Variants in GRM7 observed in about 807,000 individuals in gnomAD.
GRM7 encodes glutamate metabotropic receptor 7.
Under a neutral mutation model 84.5 loss-of-function variants are expected in GRM7, and 35 were observed. That is an observed-to-expected ratio of 0.41 (90% CI 0.32 to 0.55). The LOEUF (loss-of-function observed/expected upper bound fraction) is 0.55, where lower values mean the gene tolerates loss of function less well. Ranked by LOEUF, GRM7 falls within the 20% of genes least tolerant of loss-of-function variation. GRM7 has a pLI of 0.19. For missense variants in GRM7, 1,003 were observed against 1,194.6 expected (o/e 0.84, Z 2.36); for synonymous variants, 487 against 455.1 (o/e 1.07, Z -0.89).
chr3:6,957,977 CA>C (rs988922089), intron 1 of GRM7, among the ~76,000 whole-genome samples: 1 of 152,048 alleles, frequency 6.6e-6, no homozygotes, highest in African/African-American at 2.4e-5. Flanking sequence ...AGCAGGTGAT[CA>C]GGGGAACACA....
chr3:7,222,889 C>T (rs1178597143), intron 2 of GRM7, among the ~76,000 whole-genome samples: 1 of 152,128 alleles, frequency 6.6e-6, no homozygotes, highest in African/African-American at 2.4e-5. Flanking sequence ...AGTTTGTTTT[C>T]CTATCACTGG....
At chr3:7,156,366 A>G (rs539029445) in intron 2 of GRM7, among the ~76,000 whole-genome samples, 126 of 152,154 alleles carry the variant, frequency 8.3e-4, no homozygotes, top group Non-Finnish European at 1.4e-3. Context: ...TCCTCATGCA[A>G]TGTGGGTAAA....
At chr3:6,991,908 C>A (rs1025887062) in intron 1 of GRM7, among the ~76,000 whole-genome samples, 1 of 151,804 alleles carries the variant, frequency 6.6e-6, no homozygotes, top group African/African-American at 2.4e-5. Context: ...AATTTTGTAC[C>A]CTTTGACTAA....
intron 1 of GRM7, among the ~76,000 whole-genome samples, chr3:7,067,660 G>A (rs749505841): frequency 3.3e-5 from 5 of 151,844 alleles, no homozygotes; most frequent in African/African-American, 4.8e-5. Flanking sequence ...TACAAACAAG[G>A]CTCCATGGGT....
intron 1 of GRM7, among the ~76,000 whole-genome samples, chr3:6,909,209 CT>C (rs1696683801): frequency 6.6e-6 from 1 of 152,104 alleles, no homozygotes; most frequent in Admixed American, 6.6e-5. Context: ...TTAGGGCAAA[CT>C]TTTGCATCCA....
chr3:7,288,833 G>C (rs753565514), intron 2 of GRM7, among the ~76,000 whole-genome samples: 4 of 152,046 alleles, frequency 2.6e-5, no homozygotes, highest in African/African-American at 9.7e-5. Flanking sequence ...AATATCCCGA[G>C]AACCACTGTC....
chr3:7,431,867 A>G (rs1278140181), intron 5 of GRM7, among the ~76,000 whole-genome samples: 2 of 152,228 alleles, frequency 1.3e-5, no homozygotes, highest in Non-Finnish European at 2.9e-5. Context: ...TCCGTTGTAG[A>G]GAAATAAATA....
chr3:7,256,090 C>G (rs897964498), intron 2 of GRM7, among the ~76,000 whole-genome samples: 29 of 152,296 alleles, frequency 1.9e-4, no homozygotes, highest in Non-Finnish European at 4.0e-4. Flanking sequence ...ACATACCACA[C>G]TTTCCCCCTT....
intron 1 of GRM7, among the ~76,000 whole-genome samples, chr3:7,070,714 C>A (rs573231088): frequency 1.0e-3 from 157 of 150,864 alleles, no homozygotes; most frequent in Non-Finnish European, 1.6e-3. Context: ...TTAGTACAGT[C>A]GGTTGCTCAT....
intron 1 of GRM7, among the ~76,000 whole-genome samples, chr3:7,088,205 G>A (rs1255644800): frequency 6.6e-6 from 1 of 150,486 alleles, no homozygotes; most frequent in Non-Finnish European, 1.5e-5. Flanking sequence ...CCTGGGACAT[G>A]GGATTGAACT....
At chr3:7,014,460 C>G (rs575229866) in intron 1 of GRM7, among the ~76,000 whole-genome samples, 3 of 152,130 alleles carry the variant, frequency 2.0e-5, no homozygotes, top group Admixed American at 1.3e-4. Context: ...TCTGCCTCAG[C>G]CTCAAAGAGT....
At chr3:7,383,659 C>T (rs1339387177) in intron 4 of GRM7, among the ~76,000 whole-genome samples, 1 of 152,096 alleles carries the variant, frequency 6.6e-6, no homozygotes, top group Admixed American at 6.6e-5. Flanking sequence ...ATTCCACCCC[C>T]GCAACAGTCC....
intron 1 of GRM7, among the ~76,000 whole-genome samples, chr3:6,890,222 T>C (rs1320785558): frequency 1.3e-5 from 2 of 152,204 alleles, no homozygotes; most frequent in Non-Finnish European, 2.9e-5. Context: ...TTTTTGTGTC[T>C]CTATTTCCTT....
intron 8 of GRM7, among the ~76,000 whole-genome samples, chr3:7,661,244 A>G (rs1481194827): frequency 6.6e-6 from 1 of 152,214 alleles, no homozygotes; most frequent in Non-Finnish European, 1.5e-5. Flanking sequence ...AAAACCCTCA[A>G]ATTTTAGCAA....
Position 6,862,761 on chromosome 3 carries a change from A to C in GRM7, c.519+854A>C. ...CTCACCCACTATCTCCCTGACGCAG[A>C]CCCCAAGCCAAATCCTCGGCTTGGA... On this transcript the variant is annotated intron_variant, in intron 1 of 9. Coordinates refer to ENST00000357716, the MANE Select transcript of GRM7 (RefSeq NM_000844.4). The surrounding 1 kb of genome is among the most constrained non-coding windows in gnomAD (Gnocchi z 5.2). The C allele has an allele frequency of 3.3e-6, 1 of 305,410 alleles. No individual in the cohort carries two copies. The highest frequency in any genetic ancestry group is 6.5e-6 in the Non-Finnish European group (1 of 153,488). The allele number at this position is 305,410 out of a possible 1,614,324, so 18.9% of individuals were successfully genotyped here. A position where few individuals can be genotyped will look rare whatever the true frequency, so the allele number is the denominator to read the frequency against.
At chr3:7,651,910 A>C (rs961846523) in intron 8 of GRM7, among the ~76,000 whole-genome samples, 2 of 152,140 alleles carry the variant, frequency 1.3e-5, no homozygotes, top group African/African-American at 4.8e-5. Context: ...CATACAGCTC[A>C]AGCTCTCAGC....
rs886182825 is a variant in GRM7, at chr3:6,953,901, A to G, written c.519+91994A>G. On this transcript the variant is annotated intron_variant, in intron 1 of 9. Transcript: ENST00000357716. ...AATGAGATAATTCATGTGAGGTGCT[A>G]AACATGGTCCCAGGCACATATAGAA... is the stretch of plus-strand genomic sequence containing the variant. 1.8e-4 allele frequency among the ~76,000 whole-genome samples: 27 copies of G among 152,036 alleles called. 1 individual carries two copies. Among genetic ancestry groups the G allele is most frequent in the Non-Finnish European group, 7.3e-5 (5 of 68,030 alleles).
intron 8 of GRM7, among the ~76,000 whole-genome samples, chr3:7,617,976 C>A (rs1324049177): frequency 1.3e-5 from 2 of 152,164 alleles, no homozygotes; most frequent in Non-Finnish European, 2.9e-5. Context: ...AGACTCTGGG[C>A]AAATCTCTTA....
intron 8 of GRM7, among the ~76,000 whole-genome samples, chr3:7,640,926 T>G (rs1010182560): frequency 6.6e-6 from 1 of 152,190 alleles, no homozygotes; most frequent in African/African-American, 2.4e-5. Context: ...CTCTGACAGC[T>G]ATTTTTTCCA....
Sources: allele counts gnomAD v4.1 joint callset (sites outside exome capture counted in the v4.1 genomes callset), GRCh38; gene constraint gnomAD v4.1.1; non-coding constraint Gnocchi (gnomAD v3.1); transcripts MANE v1.5; gene names NCBI Gene and HGNC (gene_info 2026-07-23, HGNC 2026-07-21).